DPYD: variants seen among roughly 807,000 people sequenced by gnomAD.
The protein encoded by DPYD is dihydropyrimidine dehydrogenase [NADP(+)].
Under a neutral mutation model 116.2 loss-of-function variants are expected in DPYD, and 109 were observed. The ratio of observed to expected loss-of-function variants is 0.94; its 90% CI spans 0.80 to 1.10. DPYD has a LOEUF of 1.10. DPYD is among the 50% of genes least tolerant of loss of function. The probability of loss-of-function intolerance (pLI) is 0.00; values close to 1 mark genes in which losing one functional copy is unlikely to be tolerated. For missense variants in DPYD, 1,302 were observed against 1,254.5 expected (o/e 1.04, Z -0.57); for synonymous variants, 440 against 432.0 (o/e 1.02, Z -0.23).
At chr1:97,774,388 G>A (rs922839993) in intron 3 of DPYD, among the ~76,000 whole-genome samples, 1 of 152,154 alleles carries the variant, frequency 6.6e-6, no homozygotes, top group Non-Finnish European at 1.5e-5. Context: ...CTCTCTCACT[G>A]TTTGAAAGGC....
intron 8 of DPYD, among the ~76,000 whole-genome samples, chr1:97,597,157 A>T (rs1017627370): frequency 2.0e-5 from 3 of 152,206 alleles, no homozygotes; most frequent in African/African-American, 7.2e-5. Flanking sequence ...AAGAAGACTG[A>T]AGTTAGGTCT....
chr1:97,557,560 C>G (rs1264912593), intron 11 of DPYD, among the ~76,000 whole-genome samples: 1 of 152,044 alleles, frequency 6.6e-6, no homozygotes, highest in African/African-American at 2.4e-5. Context: ...AAGTGATTTA[C>G]CAGCCTCGGC....
intron 12 of DPYD, chr1:97,546,919 G>A (rs1650914733): frequency 6.2e-7 from 1 of 1,608,042 alleles, no homozygotes; most frequent in Non-Finnish European, 8.5e-7. Context: ...GGGCTTTGAA[G>A]ATAGCTTTGA....
At chr1:97,397,084 T>C (rs972533008) in intron 14 of DPYD, among the ~76,000 whole-genome samples, 1 of 152,094 alleles carries the variant, frequency 6.6e-6, no homozygotes, top group Non-Finnish European at 1.5e-5. Flanking sequence ...TAGCACCTAA[T>C]GTAATTTAGT....
chr1:97,713,937 T>A (rs1662445970), intron 5 of DPYD, among the ~76,000 whole-genome samples: 1 of 152,132 alleles, frequency 6.6e-6, no homozygotes, highest in Non-Finnish European at 1.5e-5. Flanking sequence ...TATAGTTTAA[T>A]CTATATCCTA....
intron 11 of DPYD, among the ~76,000 whole-genome samples, chr1:97,561,105 C>G (rs1033399129): frequency 6.6e-6 from 1 of 152,118 alleles, no homozygotes; most frequent in Non-Finnish European, 1.5e-5. Context: ...AATAGGACAG[C>G]ATTTGTAGAT....
chr1:97,507,751 C>T (rs1647454264), intron 13 of DPYD, among the ~76,000 whole-genome samples: 1 of 151,934 alleles, frequency 6.6e-6, no homozygotes, highest in African/African-American at 2.4e-5. Flanking sequence ...GCAATTTGTG[C>T]AATTTGTGCA....
chr1:97,524,889 C>T (rs182430223), intron 12 of DPYD, among the ~76,000 whole-genome samples: 4 of 152,278 alleles, frequency 2.6e-5, no homozygotes, highest in East Asian at 3.9e-4. Context: ...ATTTATTAGG[C>T]ATTTTAAACT....
intron 16 of DPYD, among the ~76,000 whole-genome samples, chr1:97,317,850 C>T (rs11582955): frequency 0.04 from 6,012 of 151,868 alleles, 149 homozygotes; most frequent in Middle Eastern, 0.11. Flanking sequence ...TTTTAAATAA[C>T]CTATCAGAGA....
chr1:97,904,214 C>G (rs1431724681), intron 1 of DPYD, among the ~76,000 whole-genome samples: 4 of 151,926 alleles, frequency 2.6e-5, no homozygotes, highest in Non-Finnish European at 5.9e-5. Flanking sequence ...TTATGATATG[C>G]ATGTACTATC....
intron 20 of DPYD, among the ~76,000 whole-genome samples, chr1:97,137,020 C>T (rs1653859338): frequency 6.6e-6 from 1 of 152,290 alleles, no homozygotes; most frequent in South Asian, 2.1e-4. Flanking sequence ...AAGCTGACCA[C>T]CTATTAATTT....
intron 5 of DPYD, among the ~76,000 whole-genome samples, chr1:97,703,476 C>T (rs971895365): frequency 6.6e-6 from 1 of 151,928 alleles, no homozygotes; most frequent in African/African-American, 2.4e-5. Flanking sequence ...AGGAAACTGC[C>T]TGCCCATATA....
intron 8 of DPYD, among the ~76,000 whole-genome samples, chr1:97,665,335 T>C (rs867722518): frequency 8.5e-5 from 13 of 152,294 alleles, no homozygotes; most frequent in Middle Eastern, 3.4e-3. Flanking sequence ...CAAATAGACA[T>C]TAATATAATA....
chr1:97,830,159 T>G (rs1278553441), intron 2 of DPYD, among the ~76,000 whole-genome samples: 4 of 152,156 alleles, frequency 2.6e-5, no homozygotes. Context: ...TGATGGACAT[T>G]TGGGCTGGTT....
chr1:97,575,076 C>T (rs1653178217), intron 10 of DPYD, among the ~76,000 whole-genome samples: 1 of 152,156 alleles, frequency 6.6e-6, no homozygotes, highest in African/African-American at 2.4e-5. Context: ...AACCAGACTG[C>T]GCAGGCCCAT....
chr1:97,851,872 C>T (rs1244302185), intron 2 of DPYD, among the ~76,000 whole-genome samples: 1 of 151,672 alleles, frequency 6.6e-6, no homozygotes, highest in Non-Finnish European at 1.5e-5. Flanking sequence ...AAAGAAAATG[C>T]TTAAAGCTTG....
At chr1:97,211,163 C>G (rs903295803) in intron 19 of DPYD, among the ~76,000 whole-genome samples, 2 of 152,156 alleles carry the variant, frequency 1.3e-5, no homozygotes, top group African/African-American at 4.8e-5. Flanking sequence ...CTGGTCCTGC[C>G]TCGTTGGCCT....
chr1:97,758,431 T>C (rs573940613), intron 3 of DPYD, among the ~76,000 whole-genome samples: 1 of 152,258 alleles, frequency 6.6e-6, no homozygotes, highest in Non-Finnish European at 1.5e-5. Flanking sequence ...TGAATGTTTC[T>C]TTACATGAGA....
chr1:97,109,893 A>C lies in DPYD; in HGVS notation c.2623-11261T>G, dbSNP rs564680868. ...TTTCTAATATAATTAATTAGCATAC[A>C]TGTATGAAATATTAAACATGGGAAA... On this transcript the variant is annotated intron_variant, in intron 20 of 22. Coordinates refer to ENST00000370192, the MANE Select transcript of DPYD (RefSeq NM_000110.4). Among the ~76,000 whole-genome samples, 65 of 152,264 alleles carry C rather than the reference A, an allele frequency of 4.3e-4. 1 individual carries two copies. The highest frequency in any genetic ancestry group is 3.7e-4 in the Non-Finnish European group (25 of 68,014).
Sources: allele counts gnomAD v4.1 joint callset (sites outside exome capture counted in the v4.1 genomes callset), GRCh38; gene constraint gnomAD v4.1.1; transcripts MANE v1.5; gene names NCBI Gene and HGNC (gene_info 2026-07-23, HGNC 2026-07-21).